The following TMEM245 variants were observed in gnomAD, a reference collection of about 807,000 sequenced individuals.
TMEM245 encodes the protein transmembrane protein 245.
A neutral mutation model predicts 101.2 loss-of-function variants in TMEM245; 69 were observed. That is an observed-to-expected ratio of 0.68 (90% CI 0.56 to 0.83). TMEM245 has a LOEUF of 0.83. Among genes scored for constraint, TMEM245 ranks in the 40% least tolerant of loss-of-function variants. TMEM245 has a pLI of 0.00. For missense variants in TMEM245, 1,075 were observed against 1,092.8 expected (o/e 0.98, Z 0.23); for synonymous variants, 537 against 449.8 (o/e 1.19, Z -2.45).
intron 1 of TMEM245, among the ~76,000 whole-genome samples, chr9:109,111,713 T>C (rs1023914700): frequency 8.5e-5 from 13 of 152,210 alleles, no homozygotes; most frequent in African/African-American, 3.1e-4. Flanking sequence ...TAAATAATGC[T>C]ATCTCCAAAA....
intron 15 of TMEM245, among the ~76,000 whole-genome samples, chr9:109,037,359 G>C (rs1440630658): frequency 1.3e-5 from 2 of 152,164 alleles, no homozygotes; most frequent in African/African-American, 2.4e-5. Flanking sequence ...CTAAGTGCTA[G>C]AACATTCATT....
rs1417455539 is a variant in TMEM245, at chr9:109,119,458, G to T, written c.456C>A (p.Leu152=). 1 of 1,495,160 alleles carries T rather than the reference G, an allele frequency of 6.7e-7. No homozygotes were observed. The highest frequency in any genetic ancestry group is 8.8e-7 in the Non-Finnish European group (1 of 1,131,814). The allele number at this position is 1,495,160 out of a possible 1,614,324, so 92.6% of individuals were successfully genotyped here. A position where few individuals can be genotyped will look rare whatever the true frequency, so the allele number is the denominator to read the frequency against. ...ALRRRRLLLL[L]GAGGPLLYGL... is the part of the protein sequence containing the mutation. Reference sequence around the variant, plus strand: ...CGTACAGGAGCGGGCCGCCGGCGCCGAGCAGCAGGAGCAGGCGGCGGCGGC... The same window carrying T: ...CGTACAGGAGCGGGCCGCCGGCGCCTAGCAGCAGGAGCAGGCGGCGGCGGC... The change falls in exon 1 of 18, where the codon CTC becomes CTA. Residue 152 remains leucine (L), a synonymous_variant. Transcript: ENST00000374586.
chr9:109,115,953 C>T (rs965717509), intron 1 of TMEM245, among the ~76,000 whole-genome samples: 3 of 152,166 alleles, frequency 2.0e-5, no homozygotes, highest in Admixed American at 2.0e-4. Flanking sequence ...CTATTGAATG[C>T]CATTTACTGA....
At chr9:109,117,115 T>TG (rs1449951466) in intron 1 of TMEM245, among the ~76,000 whole-genome samples, 1 of 151,984 alleles carries the variant, frequency 6.6e-6, no homozygotes, top group Non-Finnish European at 1.5e-5. Flanking sequence ...AAGGTTTTTT[T>TG]GGTTTTTTTT....
At position 109,091,102 on chromosome 9, in the gene TMEM245, A is replaced by T. The variant is rs1829991955; in HGVS notation, c.970T>A (p.Ser324Thr). The T allele has an allele frequency of 6.2e-7, 1 of 1,613,756 alleles. No individual in the cohort carries two copies. The change falls in exon 5 of 18, where the codon TCC (serine) becomes ACC (threonine). Residue 324 changes from serine to threonine, a missense_variant. This residue lies in a region of TMEM245 where 808 missense variants were observed against 741.5 expected (regional missense o/e 1.09). Transcript: ENST00000374586. ...GAAGGGGAAGTGGGTGAAGGGGAGG[A>T]GGGTGAAGGGGAGGTGGACAACGTT... ...APTLSTSPSP[S>T]SPSPTSPSPT...
chr9:109,060,952 G>A (rs935602979), intron 10 of TMEM245, among the ~76,000 whole-genome samples: 1 of 152,164 alleles, frequency 6.6e-6, no homozygotes, highest in African/African-American at 2.4e-5. Context: ...CTGGCCCCGG[G>A]TTTGTGGAAA....
At chr9:109,108,319 T>C (rs1830479381) in intron 2 of TMEM245, 134 bp downstream of exon 2, 2 of 438,414 alleles carry the variant, frequency 4.6e-6, no homozygotes, top group Non-Finnish European at 8.0e-6. Flanking sequence ...GATTAAAGCA[T>C]AACATTTTCT....
intron 5 of TMEM245, among the ~76,000 whole-genome samples, chr9:109,089,169 G>A (rs1305087229): frequency 3.9e-5 from 6 of 151,932 alleles, no homozygotes; most frequent in Non-Finnish European, 8.8e-5. Context: ...GCTGAGGCAG[G>A]AGGATCACTT....
At chr9:109,108,420 T>TA (rs5899838) in intron 2 of TMEM245, 33 bp downstream of exon 2, 127,936 of 932,700 alleles carry the variant, frequency 0.14, 2,775 homozygotes, top group African/African-American at 0.25. Flanking sequence ...AGGCTAGACT[T>TA]AAAAAAAAAA....
At chr9:109,107,389 ACT>A (rs1293561588) in intron 2 of TMEM245, among the ~76,000 whole-genome samples, 1 of 141,722 alleles carries the variant, frequency 7.1e-6, no homozygotes, top group African/African-American at 2.7e-5. Flanking sequence ...ATGGAGTGAG[ACT>A]CTGTCTCAAA....
At chr9:109,037,338 T>C (rs1828160118) in intron 15 of TMEM245, among the ~76,000 whole-genome samples, 1 of 152,188 alleles carries the variant, frequency 6.6e-6, no homozygotes, top group Non-Finnish European at 1.5e-5. Flanking sequence ...AATTATGTCC[T>C]AGGTGTTATG....
At chr9:109,090,479 T>G (rs531736126) in intron 5 of TMEM245, among the ~76,000 whole-genome samples, 4 of 152,090 alleles carry the variant, frequency 2.6e-5, no homozygotes, top group Non-Finnish European at 4.4e-5. Context: ...TCCCAGCACT[T>G]TGGGAGGCCG....
intron 2 of TMEM245, 31 bp downstream of exon 2, chr9:109,108,422 A>T (rs1180648766): frequency 8.5e-6 from 4 of 471,728 alleles, no homozygotes; most frequent in Non-Finnish European, 1.2e-5. Context: ...GCTAGACTTA[A>T]AAAAAAAAAA....
At chr9:109,077,815 T>C (rs1395867212) in intron 8 of TMEM245, among the ~76,000 whole-genome samples, 1 of 152,220 alleles carries the variant, frequency 6.6e-6, no homozygotes, top group African/African-American at 2.4e-5. Context: ...GAATTTAAAG[T>C]GTGTCTCTAA....
intron 5 of TMEM245, among the ~76,000 whole-genome samples, chr9:109,088,457 C>A (rs865923256): frequency 6.4e-4 from 98 of 152,034 alleles, no homozygotes; most frequent in African/African-American, 2.3e-3. Context: ...TTCCTGCTAA[C>A]AAACTTTAAG....
intron 14 of TMEM245, among the ~76,000 whole-genome samples, chr9:109,049,402 A>G (rs1341621557): frequency 6.6e-6 from 1 of 152,112 alleles, no homozygotes; most frequent in African/African-American, 2.4e-5. Flanking sequence ...TTTAGTAGAG[A>G]CAAGGTCTCG....
chr9:109,119,477 C>A lies in TMEM245; in HGVS notation c.437G>T (p.Arg146Leu). 2 of 1,486,752 alleles carry A rather than the reference C, an allele frequency of 1.3e-6. No homozygotes were observed. Among genetic ancestry groups the A allele is most frequent in the Non-Finnish European group, 1.8e-6 (2 of 1,128,938 alleles). The allele number at this position is 1,486,752 out of a possible 1,614,324, so 92.1% of individuals were successfully genotyped here. The change falls in exon 1 of 18, where the codon CGC (arginine) becomes CTC (leucine). Residue 146 changes from arginine to leucine, a missense_variant. By Grantham distance (102) the Arg-to-Leu change is moderately radical. This residue lies in a region of TMEM245 where 808 missense variants were observed against 741.5 expected (regional missense o/e 1.09). Coordinates refer to ENST00000374586, the MANE Select transcript of TMEM245 (RefSeq NM_032012.4). ...EALGEQALRR[R>L]RLLLLLGAGG... The stretch of plus-strand genomic sequence containing the variant: ...GGCGCCGAGCAGCAGGAGCAGGCGG[C>A]GGCGGCGCAGCGCCTGCTCGCCCAG...
intron 7 of TMEM245, among the ~76,000 whole-genome samples, chr9:109,085,082 T>C (rs1366041349): frequency 2.6e-5 from 4 of 152,240 alleles, no homozygotes; most frequent in Admixed American, 2.6e-4. Context: ...ATGTCATCTC[T>C]TGCTATCTGT....
chr9:109,106,809 A>G (rs936270120), intron 2 of TMEM245, among the ~76,000 whole-genome samples, 200 bp from the exon 3 acceptor site: 1 of 152,160 alleles, frequency 6.6e-6, no homozygotes, highest in African/African-American at 2.4e-5. Flanking sequence ...CTGCTCTCAG[A>G]GGCCCCTGGT....
Sources: gnomAD v4.1 joint callset for allele counts (sites outside exome capture counted in the v4.1 genomes callset) on GRCh38, gnomAD v4.1.1 for gene constraint, gnomAD v4.1.1 regional missense constraint, MANE v1.5 for transcripts, NCBI Gene and HGNC (gene_info 2026-07-23, HGNC 2026-07-21) for gene names.